LRP1B: variants seen among roughly 807,000 people sequenced by gnomAD.
The protein encoded by LRP1B is low-density lipoprotein receptor-related protein 1B.
A neutral mutation model predicts 556.6 loss-of-function variants in LRP1B; 217 were observed. The ratio of observed to expected loss-of-function variants is 0.39; its 90% CI spans 0.35 to 0.44. The LOEUF is 0.44. Ranked by LOEUF, LRP1B falls within the 20% of genes least tolerant of loss-of-function variation. The pLI, the probability that LRP1B is intolerant of heterozygous loss-of-function variation, is 1.00. For missense variants in LRP1B, 5,053 were observed against 5,620.8 expected (o/e 0.90, Z 3.23); for synonymous variants, 2,047 against 1,865.8 (o/e 1.10, Z -2.50).
In LRP1B at chr2:140,424,069, T is replaced by A. The variant is rs115573828; in HGVS notation, c.10414+18435A>T. 4.7e-3 allele frequency among the ~76,000 whole-genome samples: 714 copies of A among 152,288 alleles called. 4 individuals carry two copies. The highest frequency in any genetic ancestry group is 8.1e-3 in the Non-Finnish European group (552 of 68,006). ...GACTTTGAAGACTCACATGTTTTAG[T>A]CTGTATTGACAAAATCTGAAACATA... On this transcript the variant is annotated intron_variant, in intron 66 of 90. Transcript: ENST00000389484.
At chr2:141,464,481 C>T (rs925962572) in intron 3 of LRP1B, among the ~76,000 whole-genome samples, 1 of 149,842 alleles carries the variant, frequency 6.7e-6, no homozygotes, top group Non-Finnish European at 1.5e-5. Flanking sequence ...GGCATGATCT[C>T]GGCTCACTGC....
chr2:142,128,153 C>T (rs1004522609), intron 1 of LRP1B, among the ~76,000 whole-genome samples: 5 of 151,964 alleles, frequency 3.3e-5, no homozygotes, highest in African/African-American at 9.7e-5. Context: ...CATAAACATA[C>T]GAGTTAGTTT....
rs1685334401 is a variant in LRP1B, at chr2:140,667,851, T to TC, written c.6799+32398_6799+32399insG. Among the ~76,000 whole-genome samples, 4 of 152,200 alleles carry TC rather than the reference T, an allele frequency of 2.6e-5. No individual in the cohort carries two copies. In the South Asian group the frequency reaches 8.3e-4, roughly 32 times the overall value. ...CGAACTTGGCTAATTCTCTTCTACT[T>TC]TATAATAGCAAAAGTTCCTGAAGTC... On this transcript the variant is annotated intron_variant, in intron 41 of 90. Coordinates refer to ENST00000389484, the MANE Select transcript of LRP1B (RefSeq NM_018557.3).
intron 2 of LRP1B, among the ~76,000 whole-genome samples, chr2:141,484,460 C>A (rs1487400863): frequency 1.3e-5 from 2 of 151,614 alleles, no homozygotes; most frequent in Non-Finnish European, 2.9e-5. Context: ...TTTTTTGGTT[C>A]CATATGAACT....
At chr2:140,383,578 G>A (rs954266998) in intron 67 of LRP1B, among the ~76,000 whole-genome samples, 5 of 151,994 alleles carry the variant, frequency 3.3e-5, no homozygotes, top group African/African-American at 9.7e-5. Flanking sequence ...CAATTATCTA[G>A]ATCCCTGGAT....
At chr2:140,595,115 TATA>T (rs1682387490) in intron 43 of LRP1B, among the ~76,000 whole-genome samples, 1 of 95,266 alleles carries the variant, frequency 1.0e-5, no homozygotes, top group Non-Finnish European at 2.1e-5. Flanking sequence ...TATATATATA[TATA>T]TATATATATA....
intron 59 of LRP1B, among the ~76,000 whole-genome samples, chr2:140,479,087 T>C (rs919083014): frequency 3.3e-5 from 5 of 151,960 alleles, no homozygotes; most frequent in African/African-American, 9.7e-5. Flanking sequence ...TGAAGGAAAA[T>C]GTTGTTCACC....
intron 79 of LRP1B, among the ~76,000 whole-genome samples, chr2:140,333,697 C>T (rs1680933010): frequency 6.6e-6 from 1 of 151,852 alleles, no homozygotes; most frequent in Non-Finnish European, 1.5e-5. Flanking sequence ...GAGGTATAGT[C>T]GGTGGAGGGT....
chr2:140,689,286 A>G (rs1489139725), intron 41 of LRP1B, among the ~76,000 whole-genome samples: 1 of 152,176 alleles, frequency 6.6e-6, no homozygotes. Flanking sequence ...ACATCCATAC[A>G]CTGCTGAGTG....
Position 142,049,247 on chromosome 2 carries a change from T to C in LRP1B, c.82+81401A>G, listed in dbSNP as rs1368646840. 5.3e-5 allele frequency among the ~76,000 whole-genome samples: 8 copies of C among 152,146 alleles called. No individual in the cohort carries two copies. In the South Asian group the frequency reaches 1.4e-3, roughly 28 times the overall value. On this transcript the variant is annotated intron_variant, in intron 1 of 90. Coordinates refer to ENST00000389484, the MANE Select transcript of LRP1B (RefSeq NM_018557.3). ...ACCTTGTACTTTCCATATGTTGTTA[T>C]ATGCAATGCATGAAGTTTTCTGCTA...
chr2:141,478,438 AAATAT>A (rs1169695764), intron 3 of LRP1B, among the ~76,000 whole-genome samples: 3 of 152,208 alleles, frequency 2.0e-5, no homozygotes, highest in Non-Finnish European at 2.9e-5. Context: ...AGGATCTAGA[AAATAT>A]AATATCCAAA....
At chr2:141,039,087 G>A (rs1698622538) in intron 11 of LRP1B, among the ~76,000 whole-genome samples, 1 of 152,002 alleles carries the variant, frequency 6.6e-6, no homozygotes. Context: ...CTGCTGTTCT[G>A]AGTAACATTT....
chr2:140,646,334 G>A (rs1247237196), intron 41 of LRP1B, among the ~76,000 whole-genome samples: 2 of 152,218 alleles, frequency 1.3e-5, no homozygotes, highest in South Asian at 2.1e-4. Context: ...ACATTAAAGA[G>A]AGAAGTTATA....
intron 35 of LRP1B, among the ~76,000 whole-genome samples, chr2:140,729,977 G>A (rs766236470): frequency 6.6e-6 from 1 of 152,154 alleles, no homozygotes. Flanking sequence ...GCTCTCAACT[G>A]ATGGAAGGAA....
chr2:140,903,179 G>C lies in LRP1B; in HGVS notation c.3521-14C>G, dbSNP rs1465998654. 1.2e-6 allele frequency: 2 copies of C among 1,611,226 alleles called. No homozygotes were observed. The highest frequency in any genetic ancestry group is 1.7e-5 in the Admixed American group (1 of 59,838). ...GCGAACACTCATCTATAAAAAGGGGGGAACAGATTATAGGTCTTATCAATT... is the reference window on the plus strand; with the variant it reads ...GCGAACACTCATCTATAAAAAGGGGCGAACAGATTATAGGTCTTATCAATT... On this transcript the variant is annotated splice_polypyrimidine_tract_variant and intron_variant, in intron 22 of 90. Coordinates refer to ENST00000389484, the MANE Select transcript of LRP1B (RefSeq NM_018557.3).
At chr2:141,827,017 G>A (rs986671953) in intron 1 of LRP1B, among the ~76,000 whole-genome samples, 1 of 152,198 alleles carries the variant, frequency 6.6e-6, no homozygotes, top group Non-Finnish European at 1.5e-5. Context: ...CAATTGATGA[G>A]AGATGCTAGG....
chr2:141,289,381 C>CAAAAAAAAAA (rs34784985), intron 3 of LRP1B, among the ~76,000 whole-genome samples: 2 of 43,446 alleles, frequency 4.6e-5, no homozygotes, highest in Non-Finnish European at 8.2e-5. Flanking sequence ...GACTCCATCT[C>CAAAAAAAAAA]AAAAAAAAAA....
At chr2:140,829,114 G>A (rs1400672765) in intron 31 of LRP1B, among the ~76,000 whole-genome samples, 1 of 151,932 alleles carries the variant, frequency 6.6e-6, no homozygotes, top group African/African-American at 2.4e-5. Context: ...CAACACCAAG[G>A]CACCGAAATA....
intron 72 of LRP1B, among the ~76,000 whole-genome samples, chr2:140,359,430 T>C (rs553172039): frequency 6.6e-6 from 1 of 151,734 alleles, no homozygotes; most frequent in South Asian, 2.1e-4. Flanking sequence ...TAAACAAAAG[T>C]TTAGATATGT....
Sources: allele counts gnomAD v4.1 joint callset (sites outside exome capture counted in the v4.1 genomes callset), GRCh38; gene constraint gnomAD v4.1.1; transcripts MANE v1.5; gene names NCBI Gene and HGNC (gene_info 2026-07-23, HGNC 2026-07-21).